The following PTPRS variants were observed in gnomAD, a reference collection of about 807,000 sequenced individuals.
The protein encoded by PTPRS is protein tyrosine phosphatase receptor type S.
A neutral mutation model predicts 215.3 loss-of-function variants in PTPRS; 63 were observed. The ratio of observed to expected loss-of-function variants is 0.29; its 90% CI spans 0.24 to 0.36. The LOEUF is 0.36. Ranked by LOEUF, PTPRS falls within the 10% of genes least tolerant of loss-of-function variation. PTPRS has a pLI of 1.00. For missense variants in PTPRS, 2,258 were observed against 2,825.8 expected, an observed-to-expected ratio of 0.80 and a Z score of 4.56; for synonymous variants, 1,404 against 1,191.4, an observed-to-expected ratio of 1.18 and a Z score of -3.68.
chr19:5,280,315 A>G (rs964437017), intron 2 of PTPRS, among the ~76,000 whole-genome samples: 4 of 152,184 alleles, frequency 2.6e-5, no homozygotes, highest in African/African-American at 9.6e-5. Flanking sequence ...TGGGCTTTAA[A>G]CAAAACAGAG....
intron 4 of PTPRS, among the ~76,000 whole-genome samples, chr19:5,272,591 GTC>G (rs1346345383): frequency 2.8e-5 from 2 of 72,020 alleles, no homozygotes; most frequent in Non-Finnish European, 5.5e-5. Flanking sequence ...AAGCAAGACT[GTC>G]TCAAAAAAAA....
At chr19:5,273,826 C>A (rs756882535) in intron 3 of PTPRS, among the ~76,000 whole-genome samples, 1 of 152,100 alleles carries the variant, frequency 6.6e-6, no homozygotes, top group Non-Finnish European at 1.5e-5. Flanking sequence ...GTGAGGGTGA[C>A]AAATGTCTGC....
chr19:5,324,412 G>T (rs1420742515), intron 1 of PTPRS, among the ~76,000 whole-genome samples: 3 of 152,134 alleles, frequency 2.0e-5, no homozygotes, highest in Admixed American at 2.0e-4. Flanking sequence ...CCCAGGAGAA[G>T]ACAGTGACCC....
chr19:5,232,562 CATTT>C (rs200935649), intron 13 of PTPRS, among the ~76,000 whole-genome samples: 3,260 of 148,414 alleles, frequency 0.022, 46 homozygotes, highest in Non-Finnish European at 0.029. Flanking sequence ...ACAGAAGCTC[CATTT>C]ATTAGGCACC....
chr19:5,310,116 G>A (rs1302337452), intron 1 of PTPRS, among the ~76,000 whole-genome samples: 3 of 151,556 alleles, frequency 2.0e-5, no homozygotes. Flanking sequence ...CCTCCAACAT[G>A]CCAGGTGCGG....
rs1484474352 is a variant in PTPRS, at chr19:5,222,671, G to A, written c.3103+18C>T. ...AAGGCCCGGTCCGGCTCTGGTGCAG[G>A]GGTCGCCGCGCGCCTACCTTGGTCC... On this transcript the variant is annotated intron_variant, in intron 18 of 37. Transcript: ENST00000262963. 6.5e-7 allele frequency: 1 copy of A among 1,541,030 alleles called. No homozygotes were observed. Among genetic ancestry groups the A allele is most frequent in the Non-Finnish European group, 8.7e-7 (1 of 1,151,280 alleles).
intron 14 of PTPRS, among the ~76,000 whole-genome samples, chr19:5,231,003 T>A (rs898538430): frequency 1.3e-5 from 2 of 152,210 alleles, no homozygotes; most frequent in Non-Finnish European, 2.9e-5. Context: ...CAGGTGCTAT[T>A]TGCCACTTCC....
chr19:5,214,616 C>T lies in PTPRS; in HGVS notation c.4439G>A (p.Trp1480Ter), dbSNP rs778389901. The change falls in exon 29 of 38, where the codon TGG (tryptophan) becomes TAG (stop). Residue 1480 changes from tryptophan to a stop codon, truncating the protein, a stop_gained. Transcript: ENST00000262963. LOFTEE classifies it high-confidence loss of function. ...GACGATGGTCGCCGACCGCTGCTCC[C>T]ACACCATACGCCAGAAGTCCCCAAA... ...ETFGDFWRMV[W>*]EQRSATIVMM... is the part of the protein sequence containing the mutation. The T allele has an allele frequency of 1.2e-6, 2 of 1,613,228 alleles. No individual in the cohort carries two copies. Among genetic ancestry groups the T allele is most frequent in the East Asian group, 2.2e-5 (1 of 44,874 alleles).
At chr19:5,215,468 G>A in intron 27 of PTPRS, 30 bp downstream of exon 27, 1 of 1,604,868 alleles carries the variant, frequency 6.2e-7, no homozygotes, top group Non-Finnish European at 8.5e-7. Context: ...AGGCCGAGGT[G>A]ATGAGGGTGG....
chr19:5,288,288 G>A (rs1447422831), intron 1 of PTPRS, among the ~76,000 whole-genome samples: 4 of 152,236 alleles, frequency 2.6e-5, no homozygotes, highest in African/African-American at 7.2e-5. Flanking sequence ...AGGTGCATGT[G>A]CCAGCCAGCC....
rs1337293014 is a variant in PTPRS at position 5,237,360 on chromosome 19, G to T, written c.1849+1559C>A. ...TCTCCTGGGCCCCACCCGTCTCGGG[G>T]CAAGAAGCGGGGAGTCCCTTCTCCC... On this transcript the variant is annotated intron_variant, in intron 13 of 37. Transcript: ENST00000262963. This position sits in a 1 kb window ranked among gnomAD's most constrained non-coding sequence, Gnocchi z 4.2. Among the ~76,000 whole-genome samples, 1 of 152,232 alleles carries T rather than the reference G, an allele frequency of 6.6e-6. No individual in the cohort carries two copies. Among genetic ancestry groups the T allele is most frequent in the Non-Finnish European group, 1.5e-5 (1 of 68,032 alleles).
intron 13 of PTPRS, among the ~76,000 whole-genome samples, chr19:5,235,998 C>A (rs1413271477): frequency 6.6e-6 from 1 of 152,216 alleles, no homozygotes; most frequent in African/African-American, 2.4e-5. Context: ...TGTATTATCT[C>A]ATTTAACGCA....
chr19:5,265,289 C>T, intron 4 of PTPRS, 93 bp from the exon 5 acceptor site: 1 of 1,203,712 alleles, frequency 8.3e-7, no homozygotes, highest in Middle Eastern at 2.8e-4. Context: ...GGCCACGGGT[C>T]CAGCTCCTCC....
intron 4 of PTPRS, among the ~76,000 whole-genome samples, chr19:5,266,053 A>C (rs2046375674): frequency 1.3e-5 from 2 of 152,260 alleles, no homozygotes; most frequent in Middle Eastern, 3.4e-3. Context: ...TAAGGCTAGG[A>C]GTTTAAGACC....
chr19:5,238,074 G>A (rs746843313), intron 13 of PTPRS, among the ~76,000 whole-genome samples: 1 of 152,186 alleles, frequency 6.6e-6, no homozygotes, highest in South Asian at 2.1e-4. Flanking sequence ...AGAGGGGGAA[G>A]CAGGGGGAGG....
chr19:5,325,873 G>A (rs992017841), intron 1 of PTPRS, among the ~76,000 whole-genome samples: 7 of 152,242 alleles, frequency 4.6e-5, no homozygotes, highest in African/African-American at 1.7e-4. Flanking sequence ...AATTCAGGCC[G>A]AAGGCAGAAG....
At chr19:5,265,747 G>A (rs1033059562) in intron 4 of PTPRS, among the ~76,000 whole-genome samples, 5 of 151,504 alleles carry the variant, frequency 3.3e-5, no homozygotes, top group Admixed American at 2.0e-4. Context: ...GACACTGGGC[G>A]ATGTCTGGGG....
Position 5,262,948 on chromosome 19 carries a change from A to T in PTPRS, c.577+16T>A. ...TGGGGCGTTAGTTGTTGACGTGGTG[A>T]TGAAATCAGACTTACCAAAGGTTTC... On this transcript the variant is annotated intron_variant, in intron 6 of 37. Coordinates refer to ENST00000262963, the MANE Select transcript of PTPRS (RefSeq NM_002850.4). 1 of 1,584,108 alleles carries T rather than the reference A, an allele frequency of 6.3e-7. No homozygotes were observed. Among genetic ancestry groups the T allele is most frequent in the Non-Finnish European group, 8.6e-7 (1 of 1,161,796 alleles).
intron 12 of PTPRS, among the ~76,000 whole-genome samples, chr19:5,239,653 CAG>C (rs1244256979): frequency 6.7e-6 from 1 of 148,200 alleles, no homozygotes; most frequent in East Asian, 2.0e-4. Flanking sequence ...GAGATTGAGA[CAG>C]GGACAGAGAA....
Sources: gnomAD v4.1 joint callset for allele counts (sites outside exome capture counted in the v4.1 genomes callset) on GRCh38, gnomAD v4.1.1 for gene constraint, Gnocchi (gnomAD v3.1) non-coding constraint, MANE v1.5 for transcripts, NCBI Gene and HGNC (gene_info 2026-07-23, HGNC 2026-07-21) for gene names.